The following FRMD6 variants were observed in gnomAD, a reference collection of about 807,000 sequenced individuals.
The protein encoded by FRMD6 is FERM domain-containing protein 6.
In FRMD6, 37 loss-of-function variants were observed where a neutral mutation model predicts 73.2. That is an observed-to-expected ratio of 0.51 (90% confidence interval 0.39 to 0.66). The LOEUF is 0.66. Ranked by LOEUF, FRMD6 falls within the 30% of genes least tolerant of loss-of-function variation. FRMD6 has a pLI of 0.00. For missense variants in FRMD6, 714 were observed against 780.5 expected (o/e 0.91, Z 1.02); for synonymous variants, 273 against 282.2 (o/e 0.97, Z 0.33).
At chr14:51,651,848 G>T (rs1892417376), upstream of FRMD6, 1 of 141,370 alleles carries the variant, frequency 7.1e-6, no homozygotes, top group African/African-American at 2.6e-5. Context: ...GGGTCGGGAG[G>T]CGTGGGTGGG....
chr14:51,623,845 T>C (rs546746677), intron 2 of FRMD6, among the ~76,000 whole-genome samples: 25 of 152,274 alleles, frequency 1.6e-4, no homozygotes, highest in African/African-American at 5.8e-4. Context: ...ATTGAAGAAA[T>C]GAATGAAAGC....
chr14:51,550,796 C>T (rs1886781131), intron 1 of FRMD6, among the ~76,000 whole-genome samples: 1 of 152,174 alleles, frequency 6.6e-6, no homozygotes, highest in African/African-American at 2.4e-5. Flanking sequence ...AGGGAGTCAG[C>T]ATTCACCATT....
At chr14:51,475,266 A>G in the FRMD6 span, among the ~76,000 whole-genome samples, 1 of 152,160 alleles carries the variant, frequency 6.6e-6, no homozygotes, top group South Asian at 2.1e-4. Flanking sequence ...CAGCATTGGA[A>G]CCTGAGGATA....
At chr14:51,515,699 T>A (rs1161342584) in intron 1 of FRMD6, among the ~76,000 whole-genome samples, 1 of 152,146 alleles carries the variant, frequency 6.6e-6, no homozygotes, top group African/African-American at 2.4e-5. Context: ...TGAAAGAACA[T>A]CTTCAGGAGA....
chr14:51,567,956 C>T (rs368093584), intron 1 of FRMD6, among the ~76,000 whole-genome samples: 7 of 152,170 alleles, frequency 4.6e-5, no homozygotes, highest in Non-Finnish European at 7.3e-5. Flanking sequence ...CACACAAATA[C>T]GTAGTTATAC....
rs143710280 is a variant in FRMD6, at chr14:51,633,621, A to AAAAAAAG, written c.-146-56070_-146-56069insAAAAAAG. ...GTCAAAAAAAAAAAAAAAAAAAAAA[A>AAAAAAAG]GAAATAATTATATGTCATAGTTTAA... On this transcript the variant is annotated intron_variant, in intron 2 of 14. Coordinates refer to the FRMD6 transcript ENST00000356218. Among the ~76,000 whole-genome samples, 115 of 99,366 alleles carry AAAAAAAG rather than the reference A, an allele frequency of 1.2e-3. 6 individuals are homozygous for AAAAAAAG. Among genetic ancestry groups the AAAAAAAG allele is most frequent in the Non-Finnish European group, 1.5e-3 (75 of 51,684 alleles). The allele number at this position is 99,366 out of a possible 152,430, so 65.2% of individuals were successfully genotyped here. A position where few individuals can be genotyped will look rare whatever the true frequency, so the allele number is the denominator to read the frequency against.
the FRMD6 span, among the ~76,000 whole-genome samples, chr14:51,469,835 A>T: frequency 6.6e-6 from 1 of 151,944 alleles, no homozygotes. Context: ...TTTGTGTAAG[A>T]TTGCTGTTAT....
intron 1 of FRMD6, among the ~76,000 whole-genome samples, chr14:51,512,872 A>G (rs1884396806): frequency 6.6e-6 from 1 of 152,124 alleles, no homozygotes; most frequent in South Asian, 2.1e-4. Flanking sequence ...CACTGCCTGG[A>G]TGTACTGGCC....
chr14:51,730,267 A>G lies in FRMD6; in HGVS notation c.*2238A>G, dbSNP rs992811359. ...GCTGACATTGTTGGTGGTTTTGCAC[A>G]TGTTCTTTCTAATTGGATTTATGAA... On this transcript the variant is annotated 3_prime_UTR_variant, in exon 14 of 14. Transcript: ENST00000344768. 1 of 152,228 alleles carries G rather than the reference A, an allele frequency of 6.6e-6. No individual in the cohort carries two copies. The highest frequency in any genetic ancestry group is 2.4e-5 in the African/African-American group (1 of 41,456). 9.4% of individuals were successfully genotyped at this position (152,228 alleles called of 1,614,324 possible). A position where few individuals can be genotyped will look rare whatever the true frequency, so the allele number is the denominator to read the frequency against.
intron 1 of FRMD6, among the ~76,000 whole-genome samples, chr14:51,664,307 C>A (rs2140186633): frequency 6.6e-6 from 1 of 152,292 alleles, no homozygotes; most frequent in East Asian, 1.9e-4. Flanking sequence ...TATTTCAAAG[C>A]ATGTGATTAA....
At chr14:51,566,353 T>C (rs971284428) in intron 1 of FRMD6, among the ~76,000 whole-genome samples, 18 of 152,154 alleles carry the variant, frequency 1.2e-4, no homozygotes, top group Non-Finnish European at 2.6e-4. Context: ...TTGTCCAGAG[T>C]AAAGACCCAT....
intron 1 of FRMD6, among the ~76,000 whole-genome samples, chr14:51,656,428 TTC>T (rs1483159999): frequency 1.2e-4 from 18 of 150,962 alleles, no homozygotes; most frequent in Non-Finnish European, 7.4e-5. Flanking sequence ...TTTTTTTTTT[TTC>T]TGAGGCGGAG....
intron 1 of FRMD6, among the ~76,000 whole-genome samples, chr14:51,570,084 G>A (rs896393956): frequency 6.6e-6 from 1 of 152,084 alleles, no homozygotes; most frequent in Non-Finnish European, 1.5e-5. Context: ...CAAAGTGCTG[G>A]GATTACAGAC....
At chr14:51,590,951 T>G (rs1889350012) in intron 2 of FRMD6, among the ~76,000 whole-genome samples, 1 of 152,260 alleles carries the variant, frequency 6.6e-6, no homozygotes, top group East Asian at 1.9e-4. Context: ...TTTCTTCAAA[T>G]GAAACCTGCT....
At chr14:51,521,814 TA>T (rs2140297740) in intron 1 of FRMD6, among the ~76,000 whole-genome samples, 1 of 152,272 alleles carries the variant, frequency 6.6e-6, no homozygotes, top group East Asian at 1.9e-4. Context: ...ATTTCATCCC[TA>T]AAATTTTGTT....
chr14:51,667,159 A>C (rs1893660735), intron 1 of FRMD6, among the ~76,000 whole-genome samples: 1 of 152,140 alleles, frequency 6.6e-6, no homozygotes. Context: ...AAAAAAAATC[A>C]GATGTGAATA....
the FRMD6 span, among the ~76,000 whole-genome samples, chr14:51,443,943 G>GTTTTTTTTTTTTTTTTTTTTTTTTTT: frequency 7.1e-6 from 1 of 140,724 alleles, no homozygotes. Context: ...CAAGTTGTGA[G>GTTTTTTTTTTTTTTTTTTTTTTTTTT]TTTTTTTTTT....
At chr14:51,521,759 A>AT (rs1157544022) in intron 1 of FRMD6, among the ~76,000 whole-genome samples, 1 of 152,048 alleles carries the variant, frequency 6.6e-6, no homozygotes, top group Non-Finnish European at 1.5e-5. Flanking sequence ...GGGATTATAA[A>AT]TTTTCATGCA....
chr14:51,438,734 A>AT, the FRMD6 span, among the ~76,000 whole-genome samples: 6 of 152,206 alleles, frequency 3.9e-5, no homozygotes, highest in African/African-American at 1.4e-4. Flanking sequence ...TGTGCCCTTG[A>AT]TTTTTAATCT....
Sources: allele counts gnomAD v4.1 joint callset (sites outside exome capture counted in the v4.1 genomes callset), GRCh38; gene constraint gnomAD v4.1.1; transcripts MANE v1.5; gene names NCBI Gene and HGNC (gene_info 2026-07-23, HGNC 2026-07-21).